The following COL23A1 variants were observed in gnomAD, a reference collection of about 807,000 sequenced individuals.
The protein encoded by COL23A1 is collagen type XXIII alpha 1 chain, also known as collagen alpha-1(XXIII) chain.
A neutral mutation model predicts 99.3 loss-of-function variants in COL23A1; 97 were observed. That is an observed-to-expected ratio of 0.98 (90% CI 0.83 to 1.16). The LOEUF (loss-of-function observed/expected upper bound fraction) is 1.16. Ranked by LOEUF, COL23A1 falls within the 50% of genes most tolerant of loss-of-function variation. COL23A1 has a pLI of 0.00. For missense variants in COL23A1, 762 were observed against 757.4 expected, an observed-to-expected ratio of 1.01 and a Z score of -0.07; for synonymous variants, 320 against 308.2, an observed-to-expected ratio of 1.04 and a Z score of -0.40.
At chr5:178,375,533 G>C (rs985059854) in intron 2 of COL23A1, among the ~76,000 whole-genome samples, 7 of 152,120 alleles carry the variant, frequency 4.6e-5, no homozygotes, top group Non-Finnish European at 7.4e-5. Flanking sequence ...TGGCCCAAAA[G>C]GCCCTGCGTG....
At chr5:178,453,647 A>T (rs1398986542) in intron 2 of COL23A1, among the ~76,000 whole-genome samples, 2 of 152,164 alleles carry the variant, frequency 1.3e-5, no homozygotes, top group Non-Finnish European at 2.9e-5. Context: ...ACTTCTGTGG[A>T]TTCAATTCAT....
intron 2 of COL23A1, among the ~76,000 whole-genome samples, chr5:178,512,032 G>A (rs1034318179): frequency 3.9e-5 from 6 of 152,338 alleles, no homozygotes; most frequent in Middle Eastern, 3.4e-3. Flanking sequence ...TCAGAAACCT[G>A]AGTGTCATTT....
chr5:178,359,271 C>T (rs1762048176), intron 2 of COL23A1, among the ~76,000 whole-genome samples: 1 of 152,218 alleles, frequency 6.6e-6, no homozygotes, highest in Admixed American at 6.5e-5. Context: ...CGCCTGTAAT[C>T]CCAGCACTTT....
intron 2 of COL23A1, among the ~76,000 whole-genome samples, chr5:178,329,638 C>T (rs997902948): frequency 5.3e-5 from 8 of 152,304 alleles, no homozygotes; most frequent in East Asian, 1.9e-4. Context: ...CACTTGGATG[C>T]AGGATGAAAG....
At chr5:178,302,085 T>C (rs111462671) in intron 3 of COL23A1, among the ~76,000 whole-genome samples, 5,419 of 133,966 alleles carry the variant, frequency 0.04, 278 homozygotes, top group East Asian at 0.075. Flanking sequence ...GCTCTGTGTG[T>C]GCCGGAGCAC....
intron 2 of COL23A1, among the ~76,000 whole-genome samples, chr5:178,521,042 G>A (rs1001169566): frequency 5.9e-5 from 9 of 152,204 alleles, no homozygotes; most frequent in Non-Finnish European, 1.5e-5. Context: ...ACGTGGTGTA[G>A]CCTATTGCCC....
chr5:178,561,385 C>A (rs1235762356), intron 1 of COL23A1, among the ~76,000 whole-genome samples: 1 of 152,190 alleles, frequency 6.6e-6, no homozygotes, highest in Admixed American at 6.5e-5. Context: ...CAGCCCTGTG[C>A]CAGATTTGGG....
At chr5:178,331,418 C>T (rs1437389038) in intron 2 of COL23A1, among the ~76,000 whole-genome samples, 1 of 152,266 alleles carries the variant, frequency 6.6e-6, no homozygotes, top group Non-Finnish European at 1.5e-5. Flanking sequence ...CTCCCTGAGG[C>T]TCAGTTTCCC....
rs1199230292 is a variant in COL23A1, at chr5:178,552,218, A to G, written c.361+8464T>C. On this transcript the variant is annotated intron_variant, in intron 2 of 28. Coordinates refer to ENST00000390654, the MANE Select transcript of COL23A1 (RefSeq NM_173465.4). ...TGTACCTCTCCTGCCTTCCTCTAAC[A>G]ACTGGGTCTGCAATTGCCTCTAAGA... Among the ~76,000 whole-genome samples the G allele has an allele frequency of 2.0e-5, 3 of 152,144 alleles. No individual in the cohort carries two copies. The South Asian group carries it at 6.2e-4, about 32-fold the overall frequency.
At chr5:178,389,828 G>A (rs1008757897) in intron 2 of COL23A1, among the ~76,000 whole-genome samples, 2 of 152,174 alleles carry the variant, frequency 1.3e-5, no homozygotes, top group Non-Finnish European at 1.5e-5. Context: ...CTTGCGTGAC[G>A]GGTGGGCACA....
At chr5:178,425,872 T>C (rs535798726) in intron 2 of COL23A1, among the ~76,000 whole-genome samples, 1 of 152,218 alleles carries the variant, frequency 6.6e-6, no homozygotes, top group Admixed American at 6.5e-5. Flanking sequence ...GGCAGAGGCA[T>C]CTTCTGCTAC....
In COL23A1 at chr5:178,434,325, G is replaced by C. The variant is rs931695104; in HGVS notation, c.361+126357C>G. 6.6e-6 allele frequency among the ~76,000 whole-genome samples: 1 copy of C among 152,178 alleles called. No individual in the cohort carries two copies. Among genetic ancestry groups the C allele is most frequent in the African/African-American group, 2.4e-5 (1 of 41,442 alleles). ...TCCTCCTCACGTACTCACTGGCCCCGAGGCACTGTTCTCCAGGACAGATGC... is the reference window on the plus strand; with the variant it reads ...TCCTCCTCACGTACTCACTGGCCCCCAGGCACTGTTCTCCAGGACAGATGC... On this transcript the variant is annotated intron_variant, in intron 2 of 28. Coordinates refer to ENST00000390654, the MANE Select transcript of COL23A1 (RefSeq NM_173465.4). The surrounding 1 kb of genome is among the most constrained non-coding windows in gnomAD (Gnocchi z 4.3).
intron 1 of COL23A1, among the ~76,000 whole-genome samples, chr5:178,577,495 G>A (rs1428628265): frequency 6.6e-6 from 1 of 152,236 alleles, no homozygotes; most frequent in Non-Finnish European, 1.5e-5. Flanking sequence ...GGAAGCTCAG[G>A]CACTCACCGA....
At chr5:178,533,114 T>C (rs1486427332) in intron 2 of COL23A1, among the ~76,000 whole-genome samples, 1 of 152,020 alleles carries the variant, frequency 6.6e-6, no homozygotes, top group Non-Finnish European at 1.5e-5. Flanking sequence ...TAAGGAAAAA[T>C]GAGATTGTGA....
chr5:178,568,910 A>T (rs1252967175), intron 1 of COL23A1, among the ~76,000 whole-genome samples: 2 of 152,162 alleles, frequency 1.3e-5, no homozygotes. Flanking sequence ...TTATTTGAGT[A>T]TCTGTTTTCA....
intron 5 of COL23A1, among the ~76,000 whole-genome samples, chr5:178,277,565 C>A (rs939198413): frequency 1.3e-5 from 2 of 152,256 alleles, no homozygotes; most frequent in Admixed American, 1.3e-4. Context: ...GCCAGCTCTG[C>A]AGGGCATCTG....
chr5:178,348,534 CG>C (rs1761121069), intron 2 of COL23A1, among the ~76,000 whole-genome samples: 2 of 152,218 alleles, frequency 1.3e-5, no homozygotes, highest in African/African-American at 4.8e-5. Flanking sequence ...GGGCTCCGAA[CG>C]GCGCTGGGCC....
chr5:178,383,515 C>T (rs1248413365), intron 2 of COL23A1, among the ~76,000 whole-genome samples: 1 of 152,208 alleles, frequency 6.6e-6, no homozygotes, highest in East Asian at 1.9e-4. Flanking sequence ...GGCCTGGCAC[C>T]CAATTTGGGA....
chr5:178,542,308 A>G (rs1395173044), intron 2 of COL23A1, among the ~76,000 whole-genome samples: 2 of 152,110 alleles, frequency 1.3e-5, no homozygotes, highest in African/African-American at 4.8e-5. Context: ...TGGGATTACA[A>G]AAGTGAGCCA....
Sources: allele counts gnomAD v4.1 joint callset (sites outside exome capture counted in the v4.1 genomes callset), GRCh38; gene constraint gnomAD v4.1.1; non-coding constraint Gnocchi (gnomAD v3.1); transcripts MANE v1.5; gene names NCBI Gene and HGNC (gene_info 2026-07-23, HGNC 2026-07-21).